The following NPNT variants were observed in gnomAD, a reference collection of about 807,000 sequenced individuals.
NPNT encodes the protein preosteoblast EGF-like repeat protein with MAM domain.
NPNT carries 45 observed loss-of-function variants against 68.6 expected under a neutral mutation model. The ratio of observed to expected loss-of-function variants is 0.66; its 90% CI spans 0.52 to 0.84. NPNT has a LOEUF of 0.84. Ranked by LOEUF, NPNT falls within the 40% of genes least tolerant of loss-of-function variation. NPNT has a pLI of 0.00. For synonymous variants in NPNT, 233 were observed against 253.3 expected (o/e 0.92, Z 0.76); for missense variants, 672 against 714.8 (o/e 0.94, Z 0.68).
chr4:105,960,733 G>A (rs906271914), intron 10 of NPNT, among the ~76,000 whole-genome samples: 1 of 151,716 alleles, frequency 6.6e-6, no homozygotes, highest in Non-Finnish European at 1.5e-5. Context: ...CACAGATTCT[G>A]TGAATAAGAG....
intron 2 of NPNT, among the ~76,000 whole-genome samples, chr4:105,920,100 A>G (rs1425928196): frequency 1.3e-5 from 2 of 152,030 alleles, no homozygotes; most frequent in East Asian, 3.9e-4. Flanking sequence ...CTTCGTAACC[A>G]TAGATTCTTT....
At chr4:105,968,356 G>A (rs1258101207) in intron 11 of NPNT, among the ~76,000 whole-genome samples, 2 of 152,188 alleles carry the variant, frequency 1.3e-5, no homozygotes, top group Non-Finnish European at 2.9e-5. Flanking sequence ...TTTATAAGGA[G>A]CAAGGATGCT....
intron 2 of NPNT, among the ~76,000 whole-genome samples, chr4:105,901,067 G>A (rs1726379392): frequency 6.6e-6 from 1 of 152,068 alleles, no homozygotes; most frequent in African/African-American, 2.4e-5. Context: ...GTCACAAAAT[G>A]TGTGTTTCTT....
At chr4:105,901,944 T>C (rs930939202) in intron 2 of NPNT, among the ~76,000 whole-genome samples, 9 of 152,158 alleles carry the variant, frequency 5.9e-5, no homozygotes, top group Non-Finnish European at 1.2e-4. Flanking sequence ...GATGAAAAAA[T>C]TATTGAATTA....
chr4:105,895,863 C>A (rs1041365751), intron 1 of NPNT, 140 bp downstream of exon 1: 2 of 745,984 alleles, frequency 2.7e-6, no homozygotes, highest in Non-Finnish European at 4.4e-6. Context: ...CACAGCGTGG[C>A]GCGAGGAGAG....
At chr4:105,899,508 A>T in intron 2 of NPNT, among the ~76,000 whole-genome samples, 1 of 152,160 alleles carries the variant, frequency 6.6e-6, no homozygotes. Context: ...AGCTTTGCCT[A>T]CTTCTTTTGT....
rs369436630 is a variant in NPNT at position 105,938,242 on chromosome 4, A to G, written c.386-59A>G. 4.5e-5 allele frequency: 71 copies of G among 1,572,064 alleles called. No homozygotes were observed. In the East Asian group the frequency reaches 5.6e-4, roughly 12 times the overall value. On this transcript the variant is annotated intron_variant, in intron 4 of 11. Coordinates refer to ENST00000379987, the MANE Select transcript of NPNT (RefSeq NM_001033047.3). ...TCAGGACAAGTGAAAAAACATAGCT[A>G]TTTCCATTACAGATTTTGTTTTCTA...
intron 3 of NPNT, among the ~76,000 whole-genome samples, chr4:105,933,175 T>TAA (rs1729249236): frequency 6.6e-6 from 1 of 152,204 alleles, no homozygotes; most frequent in African/African-American, 2.4e-5. Flanking sequence ...GCCTAAGTTC[T>TAA]GGTTCCAAGA....
At chr4:105,967,926 G>A (rs1291734824) in intron 11 of NPNT, among the ~76,000 whole-genome samples, 2 of 151,942 alleles carry the variant, frequency 1.3e-5, no homozygotes, top group Admixed American at 6.6e-5. Flanking sequence ...TCACAGTTAA[G>A]CAGCGTAGGG....
At chr4:105,925,050 G>A (rs552580407) in intron 2 of NPNT, among the ~76,000 whole-genome samples, 1 of 151,868 alleles carries the variant, frequency 6.6e-6, no homozygotes, top group South Asian at 2.1e-4. Flanking sequence ...TTTTTAAGCT[G>A]GTATTTCTTG....
intron 3 of NPNT, among the ~76,000 whole-genome samples, chr4:105,929,742 G>A (rs1728968162): frequency 6.6e-6 from 1 of 152,156 alleles, no homozygotes; most frequent in Non-Finnish European, 1.5e-5. Flanking sequence ...ATTAAAATAA[G>A]TCACTTTTGA....
chr4:105,928,414 G>T (rs535505047), intron 3 of NPNT, among the ~76,000 whole-genome samples: 46 of 152,186 alleles, frequency 3.0e-4, no homozygotes, highest in African/African-American at 1.1e-3. Context: ...GGGAGTTCAA[G>T]ACCAGCCTGA....
At chr4:105,938,485 T>C in intron 5 of NPNT, 65 bp downstream of exon 5, 2 of 1,549,520 alleles carry the variant, frequency 1.3e-6, no homozygotes, top group South Asian at 2.4e-5. Flanking sequence ...AAGTGAAAGG[T>C]GATGGGAATA....
chr4:105,942,771 C>A, intron 8 of NPNT, 69 bp downstream of exon 8: 1 of 1,415,848 alleles, frequency 7.1e-7, no homozygotes, highest in Non-Finnish European at 9.6e-7. Context: ...ACAGGCCATG[C>A]CTTGAATAAG....
rs1222648384 is a variant in NPNT, at chr4:105,919,422, T to C, written c.173-7914T>C. On this transcript the variant is annotated intron_variant, in intron 2 of 11. Coordinates refer to ENST00000379987, the MANE Select transcript of NPNT (RefSeq NM_001033047.3). ...ACACTTAAAAAATTTAGTATTGATA[T>C]AATAATGCTATGTAATAAACAATCC... 3.3e-5 allele frequency among the ~76,000 whole-genome samples: 5 copies of C among 152,138 alleles called. No individual in the cohort carries two copies. The East Asian group carries it at 9.6e-4, about 29-fold the overall frequency.
At chr4:105,918,834 T>C (rs1728019471) in intron 2 of NPNT, among the ~76,000 whole-genome samples, 1 of 152,172 alleles carries the variant, frequency 6.6e-6, no homozygotes, top group South Asian at 2.1e-4. Flanking sequence ...ATGAGATGGG[T>C]ACTGTTCTAA....
At chr4:105,932,681 A>G in intron 3 of NPNT, 1 of 1,536,010 alleles carries the variant, frequency 6.5e-7, no homozygotes, top group South Asian at 1.2e-5. Flanking sequence ...TGGATCACCA[A>G]GCCACAAGTT....
In NPNT at chr4:105,895,565, T is replaced by C; in HGVS notation, c.-88T>C. The C allele has an allele frequency of 9.0e-7, 1 of 1,107,810 alleles. No individual in the cohort carries two copies. Among genetic ancestry groups the C allele is most frequent in the Non-Finnish European group, 1.3e-6 (1 of 759,728 alleles). The allele number at this position is 1,107,810 out of a possible 1,614,324, so 68.6% of individuals were successfully genotyped here. A position where few individuals can be genotyped will look rare whatever the true frequency, so the allele number is the denominator to read the frequency against. ...GCGAGGGCTGGGGGTTCCTCGAGAC[T>C]CTCAGAGGGGCGCCTCCCATCGGCG... On this transcript the variant is annotated 5_prime_UTR_variant, in exon 1 of 12. Coordinates refer to ENST00000379987, the MANE Select transcript of NPNT (RefSeq NM_001033047.3).
chr4:105,900,646 C>G (rs1232082184), intron 2 of NPNT, among the ~76,000 whole-genome samples: 1 of 152,142 alleles, frequency 6.6e-6, no homozygotes, highest in Non-Finnish European at 1.5e-5. Flanking sequence ...TTATATCCTT[C>G]CCTCTAGGAC....
Sources: gnomAD v4.1 joint callset for allele counts (sites outside exome capture counted in the v4.1 genomes callset) on GRCh38, gnomAD v4.1.1 for gene constraint, MANE v1.5 for transcripts, NCBI Gene and HGNC (gene_info 2026-07-23, HGNC 2026-07-21) for gene names.